Variants in BCKDHB observed in about 807,000 individuals in gnomAD.
BCKDHB encodes 2-oxoisovalerate dehydrogenase subunit beta, mitochondrial.
A neutral mutation model predicts 48.5 loss-of-function variants in BCKDHB; 41 were observed. The ratio of observed to expected loss-of-function variants is 0.85; its 90% CI spans 0.66 to 1.10. The LOEUF is 1.10. Among genes scored for constraint, BCKDHB ranks in the 50% least tolerant of loss-of-function variants. The pLI is 0.00. For synonymous variants in BCKDHB, 201 were observed against 174.8 expected (o/e 1.15, Z -1.18); for missense variants, 496 against 494.2 (o/e 1.00, Z -0.03).
the BCKDHB span, among the ~76,000 whole-genome samples, chr6:80,437,499 T>G: frequency 3.7e-3 from 569 of 152,340 alleles, no homozygotes; most frequent in Non-Finnish European, 6.4e-3. Flanking sequence ...GTTACTACTT[T>G]CATCCTAGAA....
intron 3 of BCKDHB, among the ~76,000 whole-genome samples, chr6:80,151,287 ATT>A (rs1037008344): frequency 5.3e-5 from 8 of 152,164 alleles, no homozygotes; most frequent in Non-Finnish European, 7.4e-5. Flanking sequence ...GATGTGTAAG[ATT>A]TGTTTGTTAT....
At chr6:80,370,150 A>G in the BCKDHB span, among the ~76,000 whole-genome samples, 1 of 152,168 alleles carries the variant, frequency 6.6e-6, no homozygotes, top group Non-Finnish European at 1.5e-5. Context: ...TTGAGGCAAT[A>G]ATAATATAGG....
Position 80,255,721 on chromosome 6 carries a change from T to A in BCKDHB, c.952-17414T>A, listed in dbSNP as rs898488138. Among the ~76,000 whole-genome samples, 5 of 152,288 alleles carry A rather than the reference T, an allele frequency of 3.3e-5. No individual in the cohort carries two copies. In the East Asian group the frequency reaches 9.6e-4, roughly 29 times the overall value. On this transcript the variant is annotated intron_variant, in intron 8 of 9. Coordinates refer to ENST00000320393, the MANE Select transcript of BCKDHB (RefSeq NM_183050.4). ...CCATGTGTTTAGAGAACAATGGAAATTTAGTTTCCCAAATTGGAATTTCCT... is the reference window on the plus strand; with the variant it reads ...CCATGTGTTTAGAGAACAATGGAAAATTAGTTTCCCAAATTGGAATTTCCT...
At chr6:80,284,778 G>T (rs1274776692) in intron 9 of BCKDHB, among the ~76,000 whole-genome samples, 1 of 152,054 alleles carries the variant, frequency 6.6e-6, no homozygotes, top group Non-Finnish European at 1.5e-5. Flanking sequence ...CTTAAAACAA[G>T]TCCTCATTGT....
the BCKDHB span, among the ~76,000 whole-genome samples, chr6:80,411,603 G>A: frequency 6.6e-6 from 1 of 152,256 alleles, no homozygotes; most frequent in Non-Finnish European, 1.5e-5. Context: ...GCCTTGCTGA[G>A]ATGTGTTGGG....
At chr6:80,457,237 C>T in the BCKDHB span, among the ~76,000 whole-genome samples, 2 of 152,168 alleles carry the variant, frequency 1.3e-5, no homozygotes, top group African/African-American at 4.8e-5. Flanking sequence ...GAGCTTGGCA[C>T]ACGTGAGTAG....
At chr6:80,358,388 T>C in the BCKDHB span, among the ~76,000 whole-genome samples, 1 of 152,304 alleles carries the variant, frequency 6.6e-6, no homozygotes, top group East Asian at 1.9e-4. Flanking sequence ...TGTCCTCTGA[T>C]TTATATTGTT....
chr6:80,401,408 G>A, the BCKDHB span, among the ~76,000 whole-genome samples: 61 of 151,490 alleles, frequency 4.0e-4, no homozygotes, highest in South Asian at 3.1e-3. Context: ...TTTTCTTTGT[G>A]TTTAGAACAT....
intron 8 of BCKDHB, among the ~76,000 whole-genome samples, chr6:80,206,167 CATGGA>C (rs1386416843): frequency 2.6e-5 from 4 of 152,018 alleles, no homozygotes; most frequent in African/African-American, 9.7e-5. Context: ...AATTGAAAGC[CATGGA>C]GAGTTAGGTC....
chr6:80,201,482 G>A (rs1478485527), intron 7 of BCKDHB, among the ~76,000 whole-genome samples: 3 of 152,172 alleles, frequency 2.0e-5, no homozygotes, highest in East Asian at 1.9e-4. Context: ...GTATATGCAT[G>A]TGGTGGCCAT....
intron 8 of BCKDHB, among the ~76,000 whole-genome samples, chr6:80,211,031 TAAG>T (rs1443712972): frequency 6.6e-6 from 1 of 152,132 alleles, no homozygotes; most frequent in Non-Finnish European, 1.5e-5. Context: ...CCTTCAAAAA[TAAG>T]AACTTGATTT....
the BCKDHB span, among the ~76,000 whole-genome samples, chr6:80,426,865 A>G: frequency 1.4e-4 from 22 of 152,142 alleles, no homozygotes; most frequent in Admixed American, 1.4e-3. Flanking sequence ...CACATCTTGT[A>G]TAACCTATTG....
At chr6:80,363,054 A>G in the BCKDHB span, among the ~76,000 whole-genome samples, 1 of 152,080 alleles carries the variant, frequency 6.6e-6, no homozygotes, top group Non-Finnish European at 1.5e-5. Context: ...ATGGATTTGG[A>G]TGGTTTATTT....
At chr6:80,112,539 A>G (rs1769461985) in intron 1 of BCKDHB, among the ~76,000 whole-genome samples, 1 of 152,236 alleles carries the variant, frequency 6.6e-6, no homozygotes, top group Non-Finnish European at 1.5e-5. Flanking sequence ...AAGAATATCA[A>G]GTTTACTGAA....
intron 3 of BCKDHB, among the ~76,000 whole-genome samples, chr6:80,141,954 C>G (rs1303732862): frequency 6.6e-6 from 1 of 151,972 alleles, no homozygotes; most frequent in East Asian, 1.9e-4. Context: ...GGGGGAGGAA[C>G]CCAGACATTT....
chr6:80,417,987 T>A, the BCKDHB span, among the ~76,000 whole-genome samples: 1 of 152,334 alleles, frequency 6.6e-6, no homozygotes, highest in East Asian at 1.9e-4. Flanking sequence ...TTATATTCCA[T>A]CTCTTTACAT....
chr6:80,155,527 G>A (rs111253660), intron 3 of BCKDHB, among the ~76,000 whole-genome samples: 5,256 of 152,080 alleles, frequency 0.035, 305 homozygotes, highest in African/African-American at 0.12. Context: ...AAGACTATGG[G>A]GTTAGTGGGA....
chr6:80,352,151 G>GTTTTT, the BCKDHB span, among the ~76,000 whole-genome samples: 2 of 147,382 alleles, frequency 1.4e-5, no homozygotes, highest in South Asian at 4.3e-4. Flanking sequence ...TGTTGTTGTT[G>GTTTTT]TTTTTTTTTT....
chr6:80,409,437 T>G, the BCKDHB span, among the ~76,000 whole-genome samples: 1 of 151,430 alleles, frequency 6.6e-6, no homozygotes, highest in South Asian at 2.1e-4. Context: ...ATATCTTTGT[T>G]AATCTTCTGT....
Sources: allele counts gnomAD v4.1 joint callset (sites outside exome capture counted in the v4.1 genomes callset), GRCh38; gene constraint gnomAD v4.1.1; transcripts MANE v1.5; gene names NCBI Gene and HGNC (gene_info 2026-07-23, HGNC 2026-07-21).